The following HAPSTR1 variants were observed in gnomAD, a reference collection of about 807,000 sequenced individuals.
The protein encoded by HAPSTR1 is HUWE1 associated protein modifying stress responses.
At chr16:9,092,546 C>T in the HAPSTR1 span, among the ~76,000 whole-genome samples, 1 of 152,268 alleles carries the variant, frequency 6.6e-6, no homozygotes, top group South Asian at 2.1e-4. Context: ...ACCCGGTGTC[C>T]CCCTCGGCCC....
the HAPSTR1 span, chr16:9,109,765 G>A: frequency 6.6e-6 from 1 of 151,896 alleles, no homozygotes; most frequent in African/African-American, 2.4e-5. Flanking sequence ...TTTAATGTAA[G>A]AATTTCAAAA....
At chr16:9,116,935 C>T in the HAPSTR1 span, 1 of 1,610,754 alleles carries the variant, frequency 6.2e-7, no homozygotes, top group Non-Finnish European at 8.5e-7. Flanking sequence ...TTCACACCCA[C>T]CATGCTGCTT....
the HAPSTR1 span, chr16:9,091,786 C>T: frequency 3.7e-6 from 1 of 273,478 alleles, no homozygotes; most frequent in East Asian, 5.7e-5. Flanking sequence ...GGGGCGGCAG[C>T]GGTTATCTGG....
chr16:9,117,137 T>C, the HAPSTR1 span: 31 of 594,228 alleles, frequency 5.2e-5, no homozygotes, highest in Non-Finnish European at 6.5e-5. Flanking sequence ...CATCAGATAT[T>C]GTGTAGTCGT....
the HAPSTR1 span, chr16:9,116,938 TGCTGCTTGAAA>T: frequency 1.2e-6 from 2 of 1,610,676 alleles, no homozygotes; most frequent in Non-Finnish European, 8.5e-7. Context: ...ACACCCACCA[TGCTGCTTGAAA>T]GCCACTTGAT....
At chr16:9,116,773 A>C in the HAPSTR1 span, 2 of 1,614,104 alleles carry the variant, frequency 1.2e-6, no homozygotes, top group East Asian at 2.2e-5. Flanking sequence ...AATGGACTCC[A>C]TGATGTCGAT....
chr16:9,097,925 GGAGGGAGCTTCTCTC>G, the HAPSTR1 span, among the ~76,000 whole-genome samples: 1 of 152,224 alleles, frequency 6.6e-6, no homozygotes, highest in Non-Finnish European at 1.5e-5. Flanking sequence ...GAGCAAATGT[GGAGGGAGCTTCTCTC>G]GAAACATGGT....
chr16:9,108,285 T>C, the HAPSTR1 span: 1 of 152,150 alleles, frequency 6.6e-6, no homozygotes, highest in African/African-American at 2.4e-5. Context: ...GATACTCCAG[T>C]CCTGTCTCCA....
At chr16:9,110,719 G>A in the HAPSTR1 span, 2 of 152,362 alleles carry the variant, frequency 1.3e-5, no homozygotes, top group East Asian at 3.9e-4. Context: ...TAGCACAAAT[G>A]TTTTGGTTAA....
chr16:9,120,185 G>A, the HAPSTR1 span: 1 of 152,184 alleles, frequency 6.6e-6, no homozygotes, highest in Admixed American at 6.5e-5. Flanking sequence ...GATACATTCT[G>A]GATTTGTGGA....
chr16:9,109,186 TTGTC>T, the HAPSTR1 span: 1 of 152,156 alleles, frequency 6.6e-6, no homozygotes, highest in Non-Finnish European at 1.5e-5. Context: ...GTTGGTTACG[TTGTC>T]TGTCTCCTCA....
chr16:9,117,068 T>C, the HAPSTR1 span: 3 of 1,060,138 alleles, frequency 2.8e-6, no homozygotes, highest in African/African-American at 3.2e-5. Flanking sequence ...GTTCTAGGTA[T>C]TTATAGTAGA....
At chr16:9,093,165 C>T in the HAPSTR1 span, among the ~76,000 whole-genome samples, 1 of 152,050 alleles carries the variant, frequency 6.6e-6, no homozygotes, top group Non-Finnish European at 1.5e-5. Flanking sequence ...CCACCGGAGG[C>T]GATTTTGACA....
chr16:9,093,725 C>G, the HAPSTR1 span, among the ~76,000 whole-genome samples: 8 of 152,086 alleles, frequency 5.3e-5, no homozygotes, highest in South Asian at 2.1e-4. Context: ...ATCCCCCTCC[C>G]TTTGTGATGA....
the HAPSTR1 span, chr16:9,091,987 G>C: frequency 1.0e-5 from 14 of 1,357,866 alleles, no homozygotes; most frequent in Non-Finnish European, 1.3e-5. Flanking sequence ...TCCCGCGGGG[G>C]CCCCGCCTGA....
At chr16:9,109,003 G>A in the HAPSTR1 span, 1 of 152,146 alleles carries the variant, frequency 6.6e-6, no homozygotes, top group African/African-American at 2.4e-5. Context: ...GGATCTCAAG[G>A]CCCAGTGGCT....
the HAPSTR1 span, chr16:9,092,227 CCT>C: frequency 6.3e-7 from 1 of 1,585,734 alleles, no homozygotes; most frequent in Non-Finnish European, 8.6e-7. Context: ...AGCTGTGGCA[CCT>C]CTTCCAGAAC....
At chr16:9,117,820 C>T in the HAPSTR1 span, 1 of 152,546 alleles carries the variant, frequency 6.6e-6, no homozygotes, top group African/African-American at 2.4e-5. Flanking sequence ...TCTAGTCTAT[C>T]ATTTTACATT....
chr16:9,092,712 G>A, the HAPSTR1 span, among the ~76,000 whole-genome samples: 1 of 152,078 alleles, frequency 6.6e-6, no homozygotes, highest in African/African-American at 2.4e-5. Context: ...GAGCTCTGCG[G>A]CATCCCCTTT....
Sources: allele counts gnomAD v4.1 joint callset (sites outside exome capture counted in the v4.1 genomes callset), GRCh38; gene constraint gnomAD v4.1.1; transcripts MANE v1.5; gene names NCBI Gene and HGNC (gene_info 2026-07-23, HGNC 2026-07-21).